The following KIR3DL1 variants were observed in gnomAD, a reference collection of about 807,000 sequenced individuals.
KIR3DL1 encodes killer cell immunoglobulin-like receptor 3DL1.
Under a neutral mutation model 40.3 loss-of-function variants are expected in KIR3DL1, and 50 were observed. The observed-to-expected ratio is 1.24, with a 90% CI of 0.99 to 1.57. The LOEUF is 1.57. KIR3DL1 is among the 40% of genes most tolerant of loss of function. KIR3DL1 has a pLI of 0.00. For missense variants in KIR3DL1, 661 were observed against 559.9 expected (o/e 1.18, Z -1.82); for synonymous variants, 257 against 207.2 (o/e 1.24, Z -2.07).
chr19:54,827,919 A>T (rs566314518), intron 6 of KIR3DL1, among the ~76,000 whole-genome samples: 2 of 149,648 alleles, frequency 1.3e-5, no homozygotes, highest in Admixed American at 6.6e-5. Flanking sequence ...ACTTCCAATC[A>T]CCTGTGGAAA....
At chr19:54,821,967 G>A in intron 5 of KIR3DL1, 109 bp downstream of exon 5, 9 of 1,335,464 alleles carry the variant, frequency 6.7e-6, no homozygotes, top group Non-Finnish European at 9.4e-6. Context: ...AGAAGACACA[G>A]CAGGTGTGAG....
At chr19:54,820,638 G>C (rs1170701061) in intron 4 of KIR3DL1, among the ~76,000 whole-genome samples, 1 of 151,138 alleles carries the variant, frequency 6.6e-6, no homozygotes, top group Admixed American at 6.6e-5. Flanking sequence ...AAAAATCAGG[G>C]ACACCAAAAA....
chr19:54,829,469 A>C lies in KIR3DL1; in HGVS notation c.1105+4A>C. On this transcript the variant is annotated splice_donor_region_variant and intron_variant, in intron 7 of 8. Transcript: ENST00000391728. The stretch of plus-strand genomic sequence containing the variant: ...CTCTGGTGCTCCAACAAAAAAAGTA[A>C]GTCTCACGGGGCACAGGCCAGAGAG... The C allele has an allele frequency of 2.7e-6, 4 of 1,469,270 alleles. 1 individual carries two copies. The South Asian group carries it at 5.1e-5, about 19-fold the overall frequency. The allele number at this position is 1,469,270 out of a possible 1,614,324, so 91.0% of individuals were successfully genotyped here.
chr19:54,821,664 T>C (rs1453437086), exon 5 of KIR3DL1: 4 of 1,609,972 alleles, frequency 2.5e-6, no homozygotes, highest in African/African-American at 1.3e-5. Context: ...TCCTATGACA[T>C]GTACCATCTA....
At chr19:54,822,045 CCT>C (rs1468903619) in intron 5 of KIR3DL1, among the ~76,000 whole-genome samples, 187 bp downstream of exon 5, 5 of 151,104 alleles carry the variant, frequency 3.3e-5, no homozygotes, top group East Asian at 1.9e-4. Flanking sequence ...TGCATGGAGG[CCT>C]CCGATCAGGG....
intron 2 of KIR3DL1, among the ~76,000 whole-genome samples, chr19:54,818,097 A>G (rs1484271720): frequency 9.0e-6 from 1 of 110,542 alleles, no homozygotes; most frequent in Non-Finnish European, 1.8e-5. Context: ...ATTAAAATCT[A>G]GTAAGAGTTG....
At chr19:54,824,039 G>T (rs1207217137) in intron 5 of KIR3DL1, among the ~76,000 whole-genome samples, 1 of 151,120 alleles carries the variant, frequency 6.6e-6, no homozygotes, top group Non-Finnish European at 1.5e-5. Context: ...CTCCTATTTT[G>T]TCGGTTGTCT....
At position 54,830,194 on chromosome 19, in the gene KIR3DL1, C is replaced by A; in HGVS notation, c.1254C>A (p.Pro418=). The A allele has an allele frequency of 2.6e-6, 4 of 1,524,526 alleles. 1 individual carries two copies. 94.4% of individuals were successfully genotyped at this position (1,524,526 alleles called of 1,614,324 possible). A position where few individuals can be genotyped will look rare whatever the true frequency, so the allele number is the denominator to read the frequency against. Residue 418 remains proline, a synonymous_variant, in exon 9 of 9, where the codon CCC becomes CCA. Transcript: ENST00000391728. ...AAATCACTCGCCCTTCTCAGAGGCCCAAGACACCCCCTACAGATACCATCT... is the reference window on the plus strand; with the variant it reads ...AAATCACTCGCCCTTCTCAGAGGCCAAAGACACCCCCTACAGATACCATCT...
chr19:54,819,417 AC>A (rs2061518181), intron 3 of KIR3DL1, among the ~76,000 whole-genome samples: 1 of 137,642 alleles, frequency 7.3e-6, no homozygotes, highest in Non-Finnish European at 1.6e-5. Flanking sequence ...GTCCTCTTCC[AC>A]CCCCACATAG....
exon 3 of KIR3DL1, chr19:54,818,378 T>C: frequency 6.2e-7 from 1 of 1,606,950 alleles, no homozygotes; most frequent in Non-Finnish European, 8.5e-7. Flanking sequence ...GGAGGACACG[T>C]GACTCTTCGG....
rs199903142 is a variant in KIR3DL1 at position 54,818,330 on chromosome 19, C to G, written c.86C>G (p.Pro29Arg). ...TCTCCCCCAGGTGGTCAGGACAAAC[C>G]CTTCCTGTCTGCCTGGCCCAGCGCT... Residue 29 changes from proline (P) to arginine (R), a missense_variant, in exon 3 of 9, where the codon CCC becomes CGC. Coordinates refer to ENST00000391728, the Ensembl canonical transcript of KIR3DL1. 177 of 1,601,332 alleles carry G rather than the reference C, an allele frequency of 1.1e-4. 1 individual carries two copies. The highest frequency in any genetic ancestry group is 1.5e-4 in the Non-Finnish European group (172 of 1,175,568).
chr19:54,828,090 T>G (rs2148190003), intron 6 of KIR3DL1, among the ~76,000 whole-genome samples: 1 of 150,606 alleles, frequency 6.6e-6, no homozygotes, highest in Middle Eastern at 3.4e-3. Context: ...GGGTGGTCCT[T>G]CCCCCAGCCT....
intron 7 of KIR3DL1, 43 bp downstream of exon 7, chr19:54,829,508 G>A (rs1403742285): frequency 7.3e-7 from 1 of 1,363,878 alleles, no homozygotes; most frequent in South Asian, 1.3e-5. Flanking sequence ...AGGGCCATGT[G>A]GGGAAGCAGG....
At chr19:54,828,215 T>A (rs35610427) in intron 6 of KIR3DL1, among the ~76,000 whole-genome samples, 27,696 of 150,268 alleles carry the variant, frequency 0.18, 2,901 homozygotes, top group South Asian at 0.31. Flanking sequence ...TCTACTTCGC[T>A]TTTTTTATAT....
intron 4 of KIR3DL1, among the ~76,000 whole-genome samples, chr19:54,820,915 G>A (rs2061599675): frequency 6.6e-6 from 1 of 151,114 alleles, no homozygotes; most frequent in African/African-American, 2.4e-5. Flanking sequence ...TAGATGGATA[G>A]ATAGACGTAG....
intron 3 of KIR3DL1, among the ~76,000 whole-genome samples, 181 bp downstream of exon 3, chr19:54,818,780 A>C (rs1229067914): frequency 3.3e-5 from 5 of 151,008 alleles, no homozygotes; most frequent in Middle Eastern, 3.2e-3. Flanking sequence ...TGATGGCTAC[A>C]TTGTAATCCC....
At position 54,818,203 on chromosome 19, in the gene KIR3DL1, C is replaced by T. The variant is rs1451322935; in HGVS notation, c.71-112C>T. 6.7e-6 allele frequency: 8 copies of T among 1,192,612 alleles called. 1 individual carries two copies. Among genetic ancestry groups the T allele is most frequent in the Non-Finnish European group, 9.4e-6 (8 of 851,572 alleles). The allele number at this position is 1,192,612 out of a possible 1,614,324, so 73.9% of individuals were successfully genotyped here. On this transcript the variant is annotated intron_variant, in intron 2 of 8. Coordinates refer to ENST00000391728, the Ensembl canonical transcript of KIR3DL1. Reference sequence around the variant, plus strand: ...GGGTCCTTCCTGTAGCCCTGGGCACCCAGGTGTGGTAGGAGCCTTAGAAAG... The same window carrying T: ...GGGTCCTTCCTGTAGCCCTGGGCACTCAGGTGTGGTAGGAGCCTTAGAAAG...
chr19:54,817,527 T>C lies in KIR3DL1; in HGVS notation c.35-7T>C. ...GAGGGATGGTCCATCATGATCTTTCTTTCTAGGGTTGTTCTTGGTCCAGAG... is the reference window on the plus strand; with the variant it reads ...GAGGGATGGTCCATCATGATCTTTCCTTCTAGGGTTGTTCTTGGTCCAGAG... On this transcript the variant is annotated splice_region_variant and splice_polypyrimidine_tract_variant and intron_variant, in intron 1 of 8. Transcript: ENST00000391728. 1 of 1,508,962 alleles carries C rather than the reference T, an allele frequency of 6.6e-7. No individual in the cohort carries two copies. Among genetic ancestry groups the C allele is most frequent in the Non-Finnish European group, 9.0e-7 (1 of 1,105,010 alleles). 93.5% of individuals were successfully genotyped at this position (1,508,962 alleles called of 1,614,324 possible). A position where few individuals can be genotyped will look rare whatever the true frequency, so the allele number is the denominator to read the frequency against.
rs368195201 is a variant in KIR3DL1, at chr19:54,825,181, C to G, written c.1000+103C>G. 35 of 792,038 alleles carry G rather than the reference C, an allele frequency of 4.4e-5. 2 individuals are homozygous for G. The highest frequency in any genetic ancestry group is 1.2e-4 in the East Asian group (5 of 40,526). The allele number at this position is 792,038 out of a possible 1,614,324, so 49.1% of individuals were successfully genotyped here. ...ACCTCCCAGCTCTGTGAATGAGGGC[C>G]TGTCTTCCACCATCTCTGAACTCCA... On this transcript the variant is annotated intron_variant, in intron 6 of 8. Transcript: ENST00000391728.
Sources: gnomAD v4.1 joint callset for allele counts (sites outside exome capture counted in the v4.1 genomes callset) on GRCh38, gnomAD v4.1.1 for gene constraint, MANE v1.5 for transcripts, NCBI Gene and HGNC (gene_info 2026-07-23, HGNC 2026-07-21) for gene names.